ABL2: variants seen among roughly 807,000 people sequenced by gnomAD.
ABL2 encodes the protein tyrosine-protein kinase ABL2.
In ABL2, 49 loss-of-function variants were observed where a neutral mutation model predicts 107.7. The ratio of observed to expected loss-of-function variants is 0.45; its 90% CI spans 0.36 to 0.58. The LOEUF (loss-of-function observed/expected upper bound fraction) is 0.58, where lower values mean the gene tolerates loss of function less well. ABL2 is among the 20% of genes least tolerant of loss of function. The probability of loss-of-function intolerance (pLI) is 0.00; values close to 1 mark genes in which losing one functional copy is unlikely to be tolerated. For synonymous variants in ABL2, 549 were observed against 548.6 expected (o/e 1.00, Z -0.01); for missense variants, 1,245 against 1,457.0 (o/e 0.85, Z 2.37).
chr1:179,104,776 G>GCA lies in ABL2; in HGVS notation c.*2940_*2941dup. ...GGAATCAAGCAGTGGCAGCCCAAAG[G>GCA]CATGCATCCAGATATACAGCATAAC... On this transcript the variant is annotated 3_prime_UTR_variant, in exon 12 of 12. Transcript: ENST00000502732. 1 of 218,456 alleles carries GCA rather than the reference G, an allele frequency of 4.6e-6. No individual in the cohort carries two copies. The highest frequency in any genetic ancestry group is 9.2e-6 in the Non-Finnish European group (1 of 108,746). 13.5% of individuals were successfully genotyped at this position (218,456 alleles called of 1,614,324 possible).
chr1:179,218,192 A>AT (rs78014047), intron 1 of ABL2, among the ~76,000 whole-genome samples: 4 of 151,834 alleles, frequency 2.6e-5, no homozygotes, highest in South Asian at 2.1e-4. Flanking sequence ...ATAACTCCAG[A>AT]TTTTTTTCAA....
At chr1:179,135,969 C>T (rs1355606539) in intron 1 of ABL2, among the ~76,000 whole-genome samples, 7 of 143,224 alleles carry the variant, frequency 4.9e-5, no homozygotes, top group African/African-American at 7.8e-5. Context: ...GGGGGGTCAG[C>T]CCCCCATCCG....
At chr1:179,175,919 G>C (rs1039414923) in intron 1 of ABL2, among the ~76,000 whole-genome samples, 3 of 148,292 alleles carry the variant, frequency 2.0e-5, no homozygotes, top group African/African-American at 7.5e-5. Context: ...ACAGTGGTAC[G>C]ATCTTGGCTC....
intron 1 of ABL2, among the ~76,000 whole-genome samples, chr1:179,143,644 T>A (rs1657778212): frequency 6.6e-6 from 1 of 152,244 alleles, no homozygotes; most frequent in Non-Finnish European, 1.5e-5. Context: ...AACATGGCAA[T>A]ATAGTGTTGA....
chr1:179,132,344 T>TA (rs1188184070), intron 2 of ABL2, among the ~76,000 whole-genome samples: 2 of 152,158 alleles, frequency 1.3e-5, no homozygotes, highest in African/African-American at 4.8e-5. Context: ...GTGATCCCTA[T>TA]ACCATCTTAA....
chr1:179,121,751 C>T lies in ABL2; in HGVS notation c.804G>A (p.Lys268=), dbSNP rs937696584. Residue 268 remains lysine, a synonymous_variant, in exon 5 of 12, where the codon AAG becomes AAA. Transcript: ENST00000502732. ...TLHYPAPKCN[K]PTVYGVSPIH... ...TGGGGGACACACCATAGACTGTAGG[C>T]TTATTACACTTGGGTGCTGGGTAGT... 1.2e-6 allele frequency: 2 copies of T among 1,614,062 alleles called. No homozygotes were observed. Among genetic ancestry groups the T allele is most frequent in the Non-Finnish European group, 1.7e-6 (2 of 1,180,016 alleles).
At chr1:179,144,002 T>A (rs1405758492) in intron 1 of ABL2, among the ~76,000 whole-genome samples, 1 of 152,100 alleles carries the variant, frequency 6.6e-6, no homozygotes, top group Non-Finnish European at 1.5e-5. Flanking sequence ...AGCCTGAGTG[T>A]TAAAAGTTTT....
At chr1:179,201,574 C>T in intron 1 of ABL2, 1 of 373,750 alleles carries the variant, frequency 2.7e-6, no homozygotes. Flanking sequence ...ATGCCTAAGG[C>T]ATTTGGGGAA....
intron 1 of ABL2, among the ~76,000 whole-genome samples, chr1:179,143,255 G>A (rs1657752146): frequency 6.6e-6 from 1 of 152,188 alleles, no homozygotes; most frequent in Non-Finnish European, 1.5e-5. Context: ...AAAAGACTGA[G>A]TCAGAATGGA....
chr1:179,180,206 C>CTTTA (rs1187742026), intron 1 of ABL2, among the ~76,000 whole-genome samples: 2 of 152,036 alleles, frequency 1.3e-5, no homozygotes, highest in Admixed American at 1.3e-4. Flanking sequence ...CCCACCTGTA[C>CTTTA]TTTAGTATGG....
At chr1:179,182,051 C>T (rs1423768619) in intron 1 of ABL2, among the ~76,000 whole-genome samples, 2 of 151,206 alleles carry the variant, frequency 1.3e-5, no homozygotes, top group East Asian at 3.9e-4. Flanking sequence ...CTGCCTCAGC[C>T]TCCCAAAGTG....
Position 179,229,278 on chromosome 1 carries a change from G to A in ABL2, c.120C>T (p.Arg40=), listed in dbSNP as rs778906057. The A allele has an allele frequency of 1.5e-5, 23 of 1,564,910 alleles. No homozygotes were observed. Among genetic ancestry groups the A allele is most frequent in the Non-Finnish European group, 1.7e-5 (20 of 1,156,978 alleles). ...AGATATTGAAGCCGGTCTCTGTGGT[G>A]CGCCCCGCCGGGTCCCGCCTGCGGC... is the stretch of plus-strand genomic sequence containing the variant. The part of the protein sequence containing the change: ...PSGRRRDPAG[R]TTETGFNIFT... The change falls in exon 1 of 12, where the codon CGC becomes CGT. Residue 40 remains arginine (R), a synonymous_variant. Transcript: ENST00000502732.
intron 6 of ABL2, among the ~76,000 whole-genome samples, chr1:179,119,522 CA>C (rs570669683): frequency 1.7e-5 from 2 of 115,854 alleles, no homozygotes; most frequent in Non-Finnish European, 3.7e-5. Context: ...AAAAAACAAA[CA>C]AAAAAAAACA....
At chr1:179,210,941 A>G (rs1662238904) in intron 1 of ABL2, among the ~76,000 whole-genome samples, 1 of 152,116 alleles carries the variant, frequency 6.6e-6, no homozygotes. Flanking sequence ...ATAGATGAGC[A>G]TGACCTCAGA....
chr1:179,229,170 G>GCCCCCCCCCCCCCCCC, intron 1 of ABL2, 71 bp downstream of exon 1: 3 of 266,256 alleles, frequency 1.1e-5, no homozygotes, highest in Non-Finnish European at 2.0e-5. Flanking sequence ...CAGCCCGTCC[G>GCCCCCCCCCCCCCCCC]CCACCCACCC....
intron 9 of ABL2, 135 bp downstream of exon 9, chr1:179,114,743 C>T (rs896187446): frequency 3.7e-5 from 33 of 885,586 alleles, no homozygotes; most frequent in Non-Finnish European, 4.8e-5. Context: ...ACTGGCTGAT[C>T]AATGATAAAC....
chr1:179,135,339 C>T (rs1355439910), intron 1 of ABL2, among the ~76,000 whole-genome samples: 2 of 151,198 alleles, frequency 1.3e-5, no homozygotes, highest in African/African-American at 2.4e-5. Context: ...CGTCTCTGCC[C>T]GGCCGCCCAT....
In ABL2 at chr1:179,110,645, C is replaced by T. The variant is rs182761002; in HGVS notation, c.1652-190G>A. The T allele has an allele frequency of 7.1e-4, 1,092 of 1,533,892 alleles. 2 individuals are homozygous for T. In the African/African-American group the frequency reaches 0.011, roughly 15 times the overall value. The stretch of plus-strand genomic sequence containing the variant: ...AGTATCATGTGTGTAGATTCGTCCA[C>T]GCTGCTGCATGTGGCAGGGGTTCTC... On this transcript the variant is annotated intron_variant, in intron 10 of 11. Coordinates refer to ENST00000502732, the MANE Select transcript of ABL2 (RefSeq NM_007314.4).
chr1:179,118,475 A>C, intron 7 of ABL2, 112 bp downstream of exon 7: 1 of 1,097,558 alleles, frequency 9.1e-7, no homozygotes, highest in Non-Finnish European at 1.3e-6. Flanking sequence ...TGAAATACAA[A>C]ATTACTTTCT....
Sources: allele counts gnomAD v4.1 joint callset (sites outside exome capture counted in the v4.1 genomes callset), GRCh38; gene constraint gnomAD v4.1.1; transcripts MANE v1.5; gene names NCBI Gene and HGNC (gene_info 2026-07-23, HGNC 2026-07-21).